Variants in EP400 observed in about 807,000 individuals in gnomAD.
EP400 encodes the protein E1A binding protein p400.
In EP400, 105 loss-of-function variants were observed where a neutral mutation model predicts 354.1. The observed-to-expected ratio is 0.30, with a 90% CI of 0.25 to 0.35. EP400 has a LOEUF of 0.35. Among genes scored for constraint, EP400 ranks in the 10% least tolerant of loss-of-function variants. The pLI, the probability that EP400 is intolerant of heterozygous loss-of-function variation, is 1.00. For synonymous variants in EP400, 1,646 were observed against 1,716.9 expected, an observed-to-expected ratio of 0.96 and a Z score of 1.02; for missense variants, 3,280 against 4,121.0, an observed-to-expected ratio of 0.80 and a Z score of 5.59.
chr12:132,069,369 G>A, intron 50 of EP400, 126 bp from the exon 51 acceptor site: 1 of 1,364,260 alleles, frequency 7.3e-7, no homozygotes, highest in Non-Finnish European at 1.0e-6. Flanking sequence ...GGTATGCACA[G>A]GGTTGGTCTG....
intron 30 of EP400, among the ~76,000 whole-genome samples, chr12:132,032,707 C>T (rs1392397451): frequency 4.0e-5 from 6 of 151,564 alleles, no homozygotes; most frequent in East Asian, 1.9e-4. Context: ...CTTGGCTCAC[C>T]GCGACCTCTG....
chr12:131,970,179 G>A (rs1452918924), intron 2 of EP400, among the ~76,000 whole-genome samples: 1 of 152,244 alleles, frequency 6.6e-6, no homozygotes, highest in Non-Finnish European at 1.5e-5. Context: ...AGACCACACT[G>A]ATAAGTATCT....
intron 15 of EP400, among the ~76,000 whole-genome samples, chr12:132,007,566 C>T (rs1893626611): frequency 6.6e-6 from 1 of 152,250 alleles, no homozygotes; most frequent in South Asian, 2.1e-4. Flanking sequence ...ACCCTAGTCT[C>T]CTGCTCTGTG....
rs141124811 is a variant in EP400 at position 131,961,142 on chromosome 12, G to A, written c.523G>A (p.Val175Met). Reference sequence around the variant, plus strand: ...TACAGGGGGCTTCGTGGATGCCAGCGTGCTGGTGAGGCAGATCAGCTTGAG... The same window carrying A: ...TACAGGGGGCTTCGTGGATGCCAGCATGCTGGTGAGGCAGATCAGCTTGAG... ...SPTGGFVDAS[V>M]LVRQISLSPS... The change falls in exon 2 of 53, where the codon GTG becomes ATG. Residue 175 changes from valine to methionine, a missense_variant. Physicochemically the swap from Val to Met is conservative, Grantham distance 21 (BLOSUM62 1). Coordinates refer to ENST00000389561, the MANE Select transcript of EP400 (RefSeq NM_015409.5). 1,523 of 1,610,376 alleles carry A rather than the reference G, an allele frequency of 9.5e-4. 8 individuals are homozygous for A. The highest frequency in any genetic ancestry group is 1.3e-3 in the South Asian group (122 of 90,424).
Position 132,067,286 on chromosome 12 carries a change from C to A in EP400, c.8750-76C>A. 1.3e-6 allele frequency: 2 copies of A among 1,555,056 alleles called. No homozygotes were observed. Among genetic ancestry groups the A allele is most frequent in the South Asian group, 1.2e-5 (1 of 83,386 alleles). On this transcript the variant is annotated intron_variant, in intron 49 of 52. Coordinates refer to ENST00000389561, the MANE Select transcript of EP400 (RefSeq NM_015409.5). This position sits in a 1 kb window ranked among gnomAD's most constrained non-coding sequence, Gnocchi z 5.3. ...TTTGTTATTTTCTGTAGAGGTGAGT[C>A]AGTTGGAACAGAGCTTGGCGTGAGC...
At chr12:131,970,326 C>T (rs887499980) in intron 2 of EP400, among the ~76,000 whole-genome samples, 16 of 152,090 alleles carry the variant, frequency 1.1e-4, no homozygotes, top group Non-Finnish European at 1.9e-4. Context: ...GGAGAGAATC[C>T]GTTGATGTAG....
chr12:132,037,878 G>T, intron 31 of EP400, 75 bp from the exon 32 acceptor site: 1 of 1,612,168 alleles, frequency 6.2e-7, no homozygotes, highest in South Asian at 1.1e-5. Flanking sequence ...ACTAGCAAGG[G>T]GCTTAGGTCT....
At position 132,032,163 on chromosome 12, in the gene EP400, G is replaced by A; in HGVS notation, c.5951+14G>A. ...CCACATATACAGGTGAGGGCCTGCG[G>A]GGGATAGGATCAGGAGATGCAAAGA... On this transcript the variant is annotated intron_variant, in intron 30 of 52. Transcript: ENST00000389561. The A allele has an allele frequency of 6.2e-7, 1 of 1,607,092 alleles. No homozygotes were observed.
In EP400 at chr12:132,025,282, GT is replaced by G. The variant is rs1350776063; in HGVS notation, c.4856-360del. ...CACAGGCATCTGGGCTAAAAACAGGGTTTTGTTCTATTTCTTCATTCTCCTT... is the reference window on the plus strand; with the variant it reads ...CACAGGCATCTGGGCTAAAAACAGGGTTTGTTCTATTTCTTCATTCTCCTT... On this transcript the variant is annotated intron_variant, in intron 24 of 52. Coordinates refer to ENST00000389561, the MANE Select transcript of EP400 (RefSeq NM_015409.5). The surrounding 1 kb of genome is among the most constrained non-coding windows in gnomAD (Gnocchi z 4.1). 6.6e-6 allele frequency among the ~76,000 whole-genome samples: 1 copy of G among 152,150 alleles called. No individual in the cohort carries two copies. Among genetic ancestry groups the G allele is most frequent in the African/African-American group, 2.4e-5 (1 of 41,424 alleles).
chr12:131,950,544 C>T (rs940615590), intron 1 of EP400, among the ~76,000 whole-genome samples: 1 of 152,128 alleles, frequency 6.6e-6, no homozygotes, highest in Admixed American at 6.5e-5. Flanking sequence ...GACCCCGCGT[C>T]CCGGGCGTCC....
rs192750084 is a variant in EP400 at position 132,064,474 on chromosome 12, G to A, written c.8335-194G>A. The stretch of plus-strand genomic sequence containing the variant: ...ATCCGTGTTTGTAGTTTTCACCGAC[G>A]AATGCACATTTTTAATAAATGAACA... On this transcript the variant is annotated intron_variant, in intron 47 of 52. Transcript: ENST00000389561. Among the ~76,000 whole-genome samples the A allele has an allele frequency of 1.4e-4, 22 of 152,298 alleles. No individual in the cohort carries two copies. In the East Asian group the frequency reaches 1.7e-3, roughly 12 times the overall value.
intron 45 of EP400, among the ~76,000 whole-genome samples, chr12:132,057,557 G>A (rs1024346759): frequency 1.1e-4 from 16 of 152,200 alleles, no homozygotes; most frequent in African/African-American, 2.4e-4. Context: ...TAATGTGTCC[G>A]TCAGAATTCG....
intron 4 of EP400, 151 bp downstream of exon 4, chr12:131,981,747 G>A (rs1001955371): frequency 2.2e-5 from 15 of 671,948 alleles, no homozygotes; most frequent in Middle Eastern, 4.1e-4. Flanking sequence ...AGTCCCAGTC[G>A]ATATCATATG....
At chr12:131,960,467 G>A in intron 1 of EP400, 118 bp from the exon 2 acceptor site, 1 of 1,006,044 alleles carries the variant, frequency 9.9e-7, no homozygotes, top group Non-Finnish European at 1.4e-6. Context: ...AGTCAGCTCT[G>A]TCGTTTGAAT....
At chr12:132,046,069 G>A (rs1457730661) in intron 39 of EP400, among the ~76,000 whole-genome samples, 169 bp downstream of exon 39, 1 of 152,220 alleles carries the variant, frequency 6.6e-6, no homozygotes, top group Non-Finnish European at 1.5e-5. Context: ...GAGGTCAGGT[G>A]TCTGCACTGT....
In EP400 at chr12:132,050,725, T is replaced by G; in HGVS notation, c.7394+70T>G. 1.3e-6 allele frequency: 2 copies of G among 1,586,308 alleles called. No homozygotes were observed. Among genetic ancestry groups the G allele is most frequent in the African/African-American group, 2.7e-5 (2 of 74,482 alleles). ...TCATTCCAGTGTCATCTAAGTTCAG[T>G]GAGTTCAGCAAATCGTTGTGCACTT... On this transcript the variant is annotated intron_variant, in intron 41 of 52. Transcript: ENST00000389561. This position sits in a 1 kb window ranked among gnomAD's most constrained non-coding sequence, Gnocchi z 4.8.
At chr12:131,952,302 C>CAAAAAAAA (rs927214848) in intron 1 of EP400, among the ~76,000 whole-genome samples, 8 of 47,042 alleles carry the variant, frequency 1.7e-4, no homozygotes, top group Non-Finnish European at 2.7e-4. Context: ...GACTCTGTCT[C>CAAAAAAAA]AAAAAAAAAA....
At chr12:132,020,807 T>G (rs762565421) in intron 22 of EP400, among the ~76,000 whole-genome samples, 9 of 152,236 alleles carry the variant, frequency 5.9e-5, no homozygotes, top group Non-Finnish European at 1.3e-4. Context: ...TACTAATGTT[T>G]GGTTGGGCTG....
Position 132,017,762 on chromosome 12 carries a change from C to A in EP400, c.4110+41C>A. On this transcript the variant is annotated intron_variant, in intron 20 of 52. Coordinates refer to ENST00000389561, the MANE Select transcript of EP400 (RefSeq NM_015409.5). The surrounding 1 kb of genome is among the most constrained non-coding windows in gnomAD (Gnocchi z 5.0). ...AGAAAGCGGAATTACTGTTGGATAT[C>A]TTTTCTAGGCACATTATAGATAAAA... 1 of 1,496,124 alleles carries A rather than the reference C, an allele frequency of 6.7e-7. No individual in the cohort carries two copies. The highest frequency in any genetic ancestry group is 1.4e-5 in the South Asian group (1 of 73,214). 92.7% of individuals were successfully genotyped at this position (1,496,124 alleles called of 1,614,324 possible).
Sources: gnomAD v4.1 joint callset for allele counts (sites outside exome capture counted in the v4.1 genomes callset) on GRCh38, gnomAD v4.1.1 for gene constraint, Gnocchi (gnomAD v3.1) non-coding constraint, MANE v1.5 for transcripts, NCBI Gene and HGNC (gene_info 2026-07-23, HGNC 2026-07-21) for gene names.